Variants in SLC39A9 observed in about 807,000 individuals in gnomAD.
SLC39A9 encodes zinc transporter ZIP9.
SLC39A9 carries 14 observed loss-of-function variants against 28.4 expected under a neutral mutation model. That is an observed-to-expected ratio of 0.49 (90% CI 0.33 to 0.77). The LOEUF (loss-of-function observed/expected upper bound fraction) is 0.77, where lower values mean the gene tolerates loss of function less well. Among genes scored for constraint, SLC39A9 ranks in the 30% least tolerant of loss-of-function variants. SLC39A9 has a pLI of 0.02. For missense variants in SLC39A9, 283 were observed against 381.1 expected (o/e 0.74, Z 2.14); for synonymous variants, 119 against 149.6 (o/e 0.80, Z 1.49).
At chr14:69,422,088 G>A (rs1027142104) in intron 1 of SLC39A9, among the ~76,000 whole-genome samples, 2 of 152,096 alleles carry the variant, frequency 1.3e-5, no homozygotes, top group African/African-American at 2.4e-5. Context: ...CTTCTGCGTC[G>A]ATCACACTGG....
intron 1 of SLC39A9, among the ~76,000 whole-genome samples, chr14:69,408,361 T>G (rs1172603178): frequency 6.6e-6 from 1 of 152,208 alleles, no homozygotes; most frequent in Non-Finnish European, 1.5e-5. Flanking sequence ...TCAAATTACT[T>G]TATGCTTTCT....
At position 69,442,071 on chromosome 14, in the gene SLC39A9, A is replaced by G; in HGVS notation, c.208A>G (p.Lys70Glu). Reference sequence around the variant, plus strand: ...CTTTATGGTTTATTCTGCTCTAGGAAAACACCACCAAGCAAGTGAAACACA... The same window carrying G: ...CTTTATGGTTTATTCTGCTCTAGGAGAACACCACCAAGCAAGTGAAACACA... ...HALYEDILEG[K>E]HHQASETHNV... The change falls in exon 3 of 7, where the codon AAA becomes GAA. Residue 70 changes from lysine to glutamate, a missense_variant and splice_region_variant. Lys to Glu is a moderately conservative substitution (Grantham distance 56). Coordinates refer to ENST00000336643, the MANE Select transcript of SLC39A9 (RefSeq NM_018375.5). 1 of 1,614,044 alleles carries G rather than the reference A, an allele frequency of 6.2e-7. No homozygotes were observed. Among genetic ancestry groups the G allele is most frequent in the Non-Finnish European group, 8.5e-7 (1 of 1,179,934 alleles).
intron 2 of SLC39A9, chr14:69,428,500 T>C (rs1455986639): frequency 6.6e-6 from 1 of 152,572 alleles, no homozygotes; most frequent in East Asian, 1.9e-4. Context: ...GCCCTCTAAA[T>C]TGGTTCAGCT....
At chr14:69,437,226 C>G (rs948371136) in intron 2 of SLC39A9, among the ~76,000 whole-genome samples, 2 of 152,098 alleles carry the variant, frequency 1.3e-5, no homozygotes, top group Non-Finnish European at 2.9e-5. Context: ...GCCTTTGTTG[C>G]CACCATGCAG....
At chr14:69,446,018 A>G (rs989128913) in intron 3 of SLC39A9, among the ~76,000 whole-genome samples, 6 of 143,604 alleles carry the variant, frequency 4.2e-5, no homozygotes, top group Non-Finnish European at 9.1e-5. Context: ...CAAATACTGA[A>G]CTCGTTGTTG....
At position 69,455,725 on chromosome 14, in the gene SLC39A9, T is replaced by C; in HGVS notation, c.559-7T>C. 6.2e-7 allele frequency: 1 copy of C among 1,614,142 alleles called. No individual in the cohort carries two copies. Among genetic ancestry groups the C allele is most frequent in the Non-Finnish European group, 8.5e-7 (1 of 1,179,990 alleles). On this transcript the variant is annotated splice_region_variant and splice_polypyrimidine_tract_variant and intron_variant, in intron 5 of 6. Transcript: ENST00000336643. ...AATGATAATAAGAGATGATTTTTTA[T>C]TTCCAGGCACCAGCTGCTTTTGGAC...
At chr14:69,445,150 C>T in intron 3 of SLC39A9, among the ~76,000 whole-genome samples, 1 of 151,960 alleles carries the variant, frequency 6.6e-6, no homozygotes, top group East Asian at 1.9e-4. Context: ...GACCTTTGAA[C>T]AATATGAGTT....
chr14:69,419,076 AG>A (rs1259988933), intron 1 of SLC39A9, among the ~76,000 whole-genome samples: 1 of 151,756 alleles, frequency 6.6e-6, no homozygotes, highest in Non-Finnish European at 1.5e-5. Context: ...TTGCTTCTCT[AG>A]TTCTTTTGTG....
In SLC39A9 at chr14:69,436,920, A is replaced by G. The variant is rs117536004; in HGVS notation, c.206-5149A>G. ...AACAGCATAACCAGGTTTCCCCCAT[A>G]CACTTCAGACCACTGGGATCCCTTG... On this transcript the variant is annotated intron_variant, in intron 2 of 6. Coordinates refer to ENST00000336643, the MANE Select transcript of SLC39A9 (RefSeq NM_018375.5). Among the ~76,000 whole-genome samples, 67 of 152,256 alleles carry G rather than the reference A, an allele frequency of 4.4e-4. No homozygotes were observed. The East Asian group carries it at 0.013, about 28-fold the overall frequency.
At position 69,399,342 on chromosome 14, in the gene SLC39A9, T is replaced by C. The variant is rs1308698767; in HGVS notation, c.-28T>C. ...AAGCCACTGGAAATTTGTTGTCTAGTGGTTGTGGGTGAATAAAGGAGGGCA... is the reference window on the plus strand; with the variant it reads ...AAGCCACTGGAAATTTGTTGTCTAGCGGTTGTGGGTGAATAAAGGAGGGCA... On this transcript the variant is annotated 5_prime_UTR_variant, in exon 1 of 7. Coordinates refer to ENST00000336643, the MANE Select transcript of SLC39A9 (RefSeq NM_018375.5). 1.3e-6 allele frequency: 2 copies of C among 1,599,946 alleles called. No homozygotes were observed. The highest frequency in any genetic ancestry group is 1.7e-6 in the Non-Finnish European group (2 of 1,168,402).
intron 1 of SLC39A9, among the ~76,000 whole-genome samples, chr14:69,423,210 G>C (rs1274640314): frequency 2.0e-5 from 3 of 152,016 alleles, no homozygotes; most frequent in African/African-American, 7.2e-5. Context: ...AATACATATT[G>C]ATTGCCATCA....
intron 6 of SLC39A9, among the ~76,000 whole-genome samples, 164 bp downstream of exon 6, chr14:69,456,030 T>A (rs1269907133): frequency 1.3e-5 from 2 of 152,238 alleles, no homozygotes; most frequent in Non-Finnish European, 2.9e-5. Context: ...TGCGTCCTCT[T>A]CATATTAGCA....
chr14:69,431,412 T>C (rs1322491581), intron 2 of SLC39A9, among the ~76,000 whole-genome samples: 1 of 152,074 alleles, frequency 6.6e-6, no homozygotes, highest in Non-Finnish European at 1.5e-5. Context: ...TGCCTTTTTT[T>C]TTTTTTACCT....
At chr14:69,431,878 CAAAGAACATGATTTCATTCTTTAT>C (rs1884514210) in intron 2 of SLC39A9, among the ~76,000 whole-genome samples, 1 of 152,166 alleles carries the variant, frequency 6.6e-6, no homozygotes, top group Non-Finnish European at 1.5e-5. Context: ...CTCCTTGCTG[CAAAGAACATGATTTCATTCTTTAT>C]ATGGCTGAAT....
Position 69,460,611 on chromosome 14 carries a change from C to T in SLC39A9, c.*2018C>T, listed in dbSNP as rs1594958901. 2.0e-6 allele frequency: 2 copies of T among 985,294 alleles called. No homozygotes were observed. Among genetic ancestry groups the T allele is most frequent in the East Asian group, 2.3e-4 (2 of 8,820 alleles). The allele number at this position is 985,294 out of a possible 1,614,324, so 61.0% of individuals were successfully genotyped here. ...TTGTTGTGTGCAATGGTAATTTGTT[C>T]TACTGGCCAAAGCCTCTTTCAGCAG... is the stretch of plus-strand genomic sequence containing the variant. On this transcript the variant is annotated 3_prime_UTR_variant, in exon 7 of 7. Transcript: ENST00000336643.
intron 1 of SLC39A9, among the ~76,000 whole-genome samples, chr14:69,415,389 C>T (rs1432208466): frequency 6.6e-6 from 1 of 152,194 alleles, no homozygotes; most frequent in Non-Finnish European, 1.5e-5. Flanking sequence ...TGATGTTGAG[C>T]ACCTTTTCAT....
intron 1 of SLC39A9, among the ~76,000 whole-genome samples, chr14:69,402,762 A>G (rs1882707105): frequency 6.6e-6 from 1 of 152,244 alleles, no homozygotes; most frequent in Non-Finnish European, 1.5e-5. Context: ...TTCAGTATAC[A>G]GGAAAGAGAA....
At chr14:69,411,717 A>G (rs1417040814) in intron 1 of SLC39A9, among the ~76,000 whole-genome samples, 2 of 152,168 alleles carry the variant, frequency 1.3e-5, no homozygotes, top group Non-Finnish European at 2.9e-5. Context: ...CCATACAAAT[A>G]CATGAAGCCA....
At chr14:69,437,607 T>G (rs1157186438) in intron 2 of SLC39A9, among the ~76,000 whole-genome samples, 1 of 151,806 alleles carries the variant, frequency 6.6e-6, no homozygotes, top group Non-Finnish European at 1.5e-5. Flanking sequence ...TTTTTTTTTT[T>G]GAGACGGAGT....
Sources: gnomAD v4.1 joint callset for allele counts (sites outside exome capture counted in the v4.1 genomes callset) on GRCh38, gnomAD v4.1.1 for gene constraint, MANE v1.5 for transcripts, NCBI Gene and HGNC (gene_info 2026-07-23, HGNC 2026-07-21) for gene names.